Variants in GON4L observed in about 807,000 individuals in gnomAD.
GON4L encodes the protein GON-4-like protein.
GON4L carries 87 observed loss-of-function variants against 211.8 expected under a neutral mutation model. That is an observed-to-expected ratio of 0.41 (90% CI 0.35 to 0.49). The LOEUF is 0.49. Ranked by LOEUF, GON4L falls within the 20% of genes least tolerant of loss-of-function variation. The pLI, the probability that GON4L is intolerant of heterozygous loss-of-function variation, is 0.15. For missense variants in GON4L, 2,155 were observed against 2,659.5 expected (o/e 0.81, Z 4.17); for synonymous variants, 875 against 962.6 (o/e 0.91, Z 1.68).
At chr1:155,789,019 G>C (rs533274435) in intron 12 of GON4L, among the ~76,000 whole-genome samples, 13 of 151,846 alleles carry the variant, frequency 8.6e-5, no homozygotes, top group African/African-American at 3.1e-4. Context: ...GAACCTGGTA[G>C]GCGGAGCTTG....
downstream of GON4L, chr1:155,747,852 G>C (rs1434974861): frequency 6.3e-7 from 1 of 1,594,276 alleles, no homozygotes; most frequent in Non-Finnish European, 8.6e-7. Context: ...TTCAGGGCGG[G>C]GAATAATAAC....
chr1:155,823,740 C>T (rs539583432), intron 3 of GON4L, among the ~76,000 whole-genome samples: 1 of 151,656 alleles, frequency 6.6e-6, no homozygotes, highest in African/African-American at 2.4e-5. Flanking sequence ...ACTGAAAATA[C>T]AAATTAGCCG....
At chr1:155,827,571 G>T (rs532996843) in intron 2 of GON4L, among the ~76,000 whole-genome samples, 16 of 152,194 alleles carry the variant, frequency 1.1e-4, no homozygotes, top group Admixed American at 7.9e-4. Context: ...TGTAGTCCTA[G>T]TTACTTGGGG....
intron 6 of GON4L, among the ~76,000 whole-genome samples, chr1:155,819,447 G>A (rs953204842): frequency 2.6e-5 from 4 of 151,922 alleles, no homozygotes; most frequent in African/African-American, 4.8e-5. Flanking sequence ...ACAAGGTCTC[G>A]GTCTCATTAC....
intron 2 of GON4L, among the ~76,000 whole-genome samples, chr1:155,832,059 G>A (rs1433872922): frequency 6.6e-6 from 1 of 151,962 alleles, no homozygotes; most frequent in Non-Finnish European, 1.5e-5. Flanking sequence ...TGGATCACTT[G>A]AGATCAGGAG....
chr1:155,801,548 CT>C (rs774835214), intron 11 of GON4L, among the ~76,000 whole-genome samples: 1 of 151,948 alleles, frequency 6.6e-6, no homozygotes, highest in Non-Finnish European at 1.5e-5. Flanking sequence ...CAATTTGCTT[CT>C]TGTTATTTTC....
downstream of GON4L, chr1:155,745,724 C>T: frequency 1.0e-6 from 1 of 977,940 alleles, no homozygotes; most frequent in Non-Finnish European, 1.5e-6. Flanking sequence ...GTTTGCGGAC[C>T]AATAAGTCGC....
intron 11 of GON4L, among the ~76,000 whole-genome samples, chr1:155,798,301 G>T (rs1666277649): frequency 6.7e-6 from 1 of 150,244 alleles, no homozygotes. Flanking sequence ...TCTATTTGTG[G>T]GTTTAACTTA....
At chr1:155,803,676 C>G (rs1326892124) in intron 11 of GON4L, among the ~76,000 whole-genome samples, 1 of 152,168 alleles carries the variant, frequency 6.6e-6, no homozygotes, top group African/African-American at 2.4e-5. Flanking sequence ...TCACCAGACT[C>G]CATGCTGAAC....
At position 155,750,320 on chromosome 1, in the gene GON4L, A is replaced by C. The variant is rs1037136988; in HGVS notation, c.*264T>G. ...TAAATATGTGCCATCAGACCAAAAAAAAGTAGAGAAAGGAGCTGAACTCCA... is the reference window on the plus strand; with the variant it reads ...TAAATATGTGCCATCAGACCAAAAACAAGTAGAGAAAGGAGCTGAACTCCA... On this transcript the variant is annotated 3_prime_UTR_variant, in exon 32 of 32. Transcript: ENST00000368331. 1.5e-5 allele frequency: 9 copies of C among 608,382 alleles called. No homozygotes were observed. In the African/African-American group the frequency reaches 1.5e-4, roughly 10 times the overall value. The allele number at this position is 608,382 out of a possible 1,614,324, so 37.7% of individuals were successfully genotyped here.
At chr1:155,757,105 C>T (rs923677836) in intron 26 of GON4L, 28 bp from the exon 27 acceptor site, 3 of 1,613,844 alleles carry the variant, frequency 1.9e-6, no homozygotes, top group African/African-American at 2.7e-5. Flanking sequence ...CTGCTGAGCA[C>T]AGACACCAGG....
At chr1:155,753,874 A>ATTT in intron 28 of GON4L, 1 of 188,336 alleles carries the variant, frequency 5.3e-6, no homozygotes, top group Non-Finnish European at 1.1e-5. Context: ...CAAGGATTTG[A>ATTT]TTTTTTTTTT....
At chr1:155,799,868 A>C (rs1399092991) in intron 11 of GON4L, among the ~76,000 whole-genome samples, 1 of 152,164 alleles carries the variant, frequency 6.6e-6, no homozygotes, top group Non-Finnish European at 1.5e-5. Context: ...TCTTACTGTA[A>C]TTATTTTGTA....
At chr1:155,858,350 T>C (rs1193740690), upstream of GON4L, among the ~76,000 whole-genome samples, 1 of 152,226 alleles carries the variant, frequency 6.6e-6, no homozygotes. Context: ...AATTTATACA[T>C]TTGAACTAAT....
Position 155,757,175 on chromosome 1 carries a change from T to C in GON4L, c.5397+5A>G, listed in dbSNP as rs1661277718. 3 of 1,613,836 alleles carry C rather than the reference T, an allele frequency of 1.9e-6. No homozygotes were observed. Among genetic ancestry groups the C allele is most frequent in the Non-Finnish European group, 2.5e-6 (3 of 1,179,892 alleles). ...ATAAGGCTACAGCAGCCTTAGGTCC[T>C]ATACCTCATACTCCTTTTCCTCAGT... On this transcript the variant is annotated splice_donor_5th_base_variant and intron_variant, in intron 26 of 31. Transcript: ENST00000368331.
chr1:155,759,937 T>C (rs1241622660), intron 24 of GON4L, among the ~76,000 whole-genome samples: 1 of 147,108 alleles, frequency 6.8e-6, no homozygotes, highest in Non-Finnish European at 1.5e-5. Context: ...GCTGTTTATA[T>C]TTATTTTTAT....
At position 155,806,177 on chromosome 1, in the gene GON4L, G is replaced by A. The variant is rs554359421; in HGVS notation, c.1453-1036C>T. Among the ~76,000 whole-genome samples the A allele has an allele frequency of 2.0e-5, 3 of 148,538 alleles. No individual in the cohort carries two copies. In the South Asian group the frequency reaches 6.4e-4, roughly 32 times the overall value. ...TAATTTTTTTTTTTTTTTTTAGATG[G>A]AGTCTTGCTCTGTCACCCATTCTGG... On this transcript the variant is annotated intron_variant, in intron 10 of 31. Transcript: ENST00000368331.
chr1:155,767,821 T>G (rs1181983051), intron 19 of GON4L, among the ~76,000 whole-genome samples: 2 of 151,834 alleles, frequency 1.3e-5, no homozygotes, highest in Non-Finnish European at 2.9e-5. Context: ...AAGGGGAGAG[T>G]TTAGGTCACA....
chr1:155,773,948 G>A (rs1482217818), intron 17 of GON4L, among the ~76,000 whole-genome samples: 1 of 152,080 alleles, frequency 6.6e-6, no homozygotes, highest in Non-Finnish European at 1.5e-5. Flanking sequence ...AGCTGTTAAA[G>A]CAGTTTGGGA....
Sources: allele counts gnomAD v4.1 joint callset (sites outside exome capture counted in the v4.1 genomes callset), GRCh38; gene constraint gnomAD v4.1.1; transcripts MANE v1.5; gene names NCBI Gene and HGNC (gene_info 2026-07-23, HGNC 2026-07-21).